Variants in ADAMTS2 observed in about 807,000 individuals in gnomAD.
ADAMTS2 encodes ADAM metallopeptidase with thrombospondin type 1 motif 2, also known as A disintegrin and metalloproteinase with thrombospondin motifs 2.
ADAMTS2 carries 50 observed loss-of-function variants against 123.0 expected under a neutral mutation model. The ratio of observed to expected loss-of-function variants is 0.41; its 90% CI spans 0.32 to 0.51. The LOEUF is 0.51. Among genes scored for constraint, ADAMTS2 ranks in the 20% least tolerant of loss-of-function variants. The probability of loss-of-function intolerance (pLI) is 0.35; values close to 1 mark genes in which losing one functional copy is unlikely to be tolerated. For synonymous variants in ADAMTS2, 678 were observed against 695.4 expected, an observed-to-expected ratio of 0.98 and a Z score of 0.39; for missense variants, 1,494 against 1,705.2, an observed-to-expected ratio of 0.88 and a Z score of 2.18.
intron 3 of ADAMTS2, among the ~76,000 whole-genome samples, chr5:179,253,658 A>G (rs928089247): frequency 3.3e-5 from 5 of 149,860 alleles, no homozygotes; most frequent in African/African-American, 1.2e-4. Flanking sequence ...AAAAAAAAAA[A>G]GGCATCCCTT....
Position 179,312,387 on chromosome 5 carries a change from GC to G in ADAMTS2, c.534+31379del, listed in dbSNP as rs1731675511. On this transcript the variant is annotated intron_variant, in intron 2 of 21. Coordinates refer to ENST00000251582, the MANE Select transcript of ADAMTS2 (RefSeq NM_014244.5). This position sits in a 1 kb window ranked among gnomAD's most constrained non-coding sequence, Gnocchi z 4.2. ...TTCCATCCACACGAATGGGATTTGT[GC>G]CCCGATCAGAGGGACCCCAGAGAGC... Among the ~76,000 whole-genome samples, 1 of 152,172 alleles carries G rather than the reference GC, an allele frequency of 6.6e-6. No individual in the cohort carries two copies. Among genetic ancestry groups the G allele is most frequent in the Non-Finnish European group, 1.5e-5 (1 of 68,034 alleles).
rs188767193 is a variant in ADAMTS2 at position 179,234,428 on chromosome 5, T to G, written c.689-26713A>C. On this transcript the variant is annotated intron_variant, in intron 3 of 21. Transcript: ENST00000251582. The surrounding 1 kb of genome is among the most constrained non-coding windows in gnomAD (Gnocchi z 4.7). ...CATCCACTAGGACTGGGCTTCCGTGTGCAGGGCTTCACCCTCGCTCTCCTC... is the reference window on the plus strand; with the variant it reads ...CATCCACTAGGACTGGGCTTCCGTGGGCAGGGCTTCACCCTCGCTCTCCTC... Among the ~76,000 whole-genome samples, 37 of 152,228 alleles carry G rather than the reference T, an allele frequency of 2.4e-4. No homozygotes were observed. In the East Asian group the frequency reaches 7.2e-3, roughly 29 times the overall value.
At position 179,210,645 on chromosome 5, in the gene ADAMTS2, T is replaced by C. The variant is rs1021411203; in HGVS notation, c.689-2930A>G. ...GCAGGTGACAGCCACGCCCTGCGTC[T>C]GGCCCCTGGAAGCCTCAGTGGTGCT... On this transcript the variant is annotated intron_variant, in intron 3 of 21. Transcript: ENST00000251582. Among the ~76,000 whole-genome samples the C allele has an allele frequency of 1.2e-4, 18 of 152,232 alleles. 1 individual carries two copies.
In ADAMTS2 at chr5:179,312,062, TGC is replaced by T. The variant is rs758687531; in HGVS notation, c.534+31703_534+31704del. On this transcript the variant is annotated intron_variant, in intron 2 of 21. Coordinates refer to ENST00000251582, the MANE Select transcript of ADAMTS2 (RefSeq NM_014244.5). The surrounding 1 kb of genome is among the most constrained non-coding windows in gnomAD (Gnocchi z 4.2). ...TCTGCCCCAGGCTAATGTTAGAAGC[TGC>T]AGAGGTGCAAATATAACAGTCAGAC... 3.3e-5 allele frequency among the ~76,000 whole-genome samples: 5 copies of T among 152,298 alleles called. No individual in the cohort carries two copies. In the South Asian group the frequency reaches 6.2e-4, roughly 19 times the overall value.
chr5:179,295,998 T>G (rs1163464222), intron 2 of ADAMTS2, among the ~76,000 whole-genome samples: 3 of 152,136 alleles, frequency 2.0e-5, no homozygotes, highest in Non-Finnish European at 4.4e-5. Context: ...CTGGCTGTGG[T>G]CCAGGAGACT....
rs1367343065 is a variant in ADAMTS2, at chr5:179,303,933, G to C, written c.535-30869C>G. On this transcript the variant is annotated intron_variant, in intron 2 of 21. Transcript: ENST00000251582. The surrounding 1 kb of genome is among the most constrained non-coding windows in gnomAD (Gnocchi z 4.7). ...GAAGATGGCAGAGACAGCAGAGCTT[G>C]GGGAACTGGCATCAGAAAGTTGGTT... Among the ~76,000 whole-genome samples, 1 of 152,172 alleles carries C rather than the reference G, an allele frequency of 6.6e-6. No individual in the cohort carries two copies. Among genetic ancestry groups the C allele is most frequent in the Non-Finnish European group, 1.5e-5 (1 of 68,030 alleles).
rs191802094 is a variant in ADAMTS2 at position 179,192,230 on chromosome 5, G to A, written c.892-11075C>T. On this transcript the variant is annotated intron_variant, in intron 4 of 21. Coordinates refer to ENST00000251582, the MANE Select transcript of ADAMTS2 (RefSeq NM_014244.5). The stretch of plus-strand genomic sequence containing the variant: ...CCTCGACCTGGGCAGGGGCCCCCAA[G>A]GCACTCAGAGCGCAGGGCAAGAGTA... Among the ~76,000 whole-genome samples, 356 of 152,348 alleles carry A rather than the reference G, an allele frequency of 2.3e-3. 1 individual carries two copies. Among genetic ancestry groups the A allele is most frequent in the Non-Finnish European group, 3.9e-3 (264 of 68,022 alleles).
intron 13 of ADAMTS2, among the ~76,000 whole-genome samples, chr5:179,133,836 A>T (rs1323341710): frequency 6.6e-6 from 1 of 150,728 alleles, no homozygotes. Flanking sequence ...CTCCTGCCTC[A>T]GCCTCCCGAG....
intron 13 of ADAMTS2, among the ~76,000 whole-genome samples, chr5:179,133,265 T>A (rs994293210): frequency 6.6e-6 from 1 of 152,094 alleles, no homozygotes; most frequent in Admixed American, 6.5e-5. Flanking sequence ...GGAGATGCTG[T>A]TTATTTTTAC....
rs1764446039 is a variant in ADAMTS2, at chr5:179,197,039, T to G, written c.891+10474A>C. 6.6e-6 allele frequency among the ~76,000 whole-genome samples: 1 copy of G among 152,268 alleles called. No homozygotes were observed. On this transcript the variant is annotated intron_variant, in intron 4 of 21. Transcript: ENST00000251582. The surrounding 1 kb of genome is among the most constrained non-coding windows in gnomAD (Gnocchi z 4.2). ...AGTAATACGTCCAAATTTACTTTAATGTAAAACTGATGTTTTAAAATGCTT... is the reference window on the plus strand; with the variant it reads ...AGTAATACGTCCAAATTTACTTTAAGGTAAAACTGATGTTTTAAAATGCTT...
chr5:179,207,479 C>CCCCCCCCCCCA, intron 4 of ADAMTS2, 34 bp downstream of exon 4: 1 of 873,216 alleles, frequency 1.1e-6, no homozygotes, highest in Non-Finnish European at 1.9e-6. Context: ...TGACCCTCCC[C>CCCCCCCCCCCA]GCCCCACCCT....
intron 21 of ADAMTS2, among the ~76,000 whole-genome samples, chr5:179,119,375 T>C (rs1581135016): frequency 6.6e-6 from 1 of 152,206 alleles, no homozygotes; most frequent in African/African-American, 2.4e-5. Context: ...CCCACTGTTC[T>C]TTCTCATGGC....
intron 9 of ADAMTS2, 56 bp from the exon 10 acceptor site, chr5:179,152,311 G>A: frequency 6.5e-7 from 1 of 1,547,362 alleles, no homozygotes. Context: ...ACCTCCCAGG[G>A]ATGCCACCCA....
rs183961971 is a variant in ADAMTS2, at chr5:179,290,331, C to T, written c.535-17267G>A. Among the ~76,000 whole-genome samples, 585 of 152,292 alleles carry T rather than the reference C, an allele frequency of 3.8e-3. 4 individuals carry two copies. Among genetic ancestry groups the T allele is most frequent in the Admixed American group, 7.1e-3 (109 of 15,304 alleles). On this transcript the variant is annotated intron_variant, in intron 2 of 21. Transcript: ENST00000251582. Reference sequence around the variant, plus strand: ...GCTTTCCCTTTGACCCTCTCCACCACGTTATGACACAGCACAAAAAGGCCT... The same window carrying T: ...GCTTTCCCTTTGACCCTCTCCACCATGTTATGACACAGCACAAAAAGGCCT...
At chr5:179,316,916 G>A (rs993195395) in intron 2 of ADAMTS2, among the ~76,000 whole-genome samples, 3 of 152,012 alleles carry the variant, frequency 2.0e-5, no homozygotes, top group East Asian at 1.9e-4. Flanking sequence ...CTTCTAGCCC[G>A]GGAGAGAGCA....
chr5:179,278,622 C>T lies in ADAMTS2; in HGVS notation c.535-5558G>A, dbSNP rs116658311. ...GGGTCTTACAGAAAGGTTGGTACCC[C>T]GACCTGGCTCTAAGTGTGAGTCCCA... On this transcript the variant is annotated intron_variant, in intron 2 of 21. Coordinates refer to ENST00000251582, the MANE Select transcript of ADAMTS2 (RefSeq NM_014244.5). Among the ~76,000 whole-genome samples, 1,214 of 152,162 alleles carry T rather than the reference C, an allele frequency of 8.0e-3. 8 individuals carry two copies. The highest frequency in any genetic ancestry group is 0.012 in the Non-Finnish European group (790 of 68,020).
chr5:179,243,587 C>G (rs1216582840), intron 3 of ADAMTS2, among the ~76,000 whole-genome samples: 1 of 152,168 alleles, frequency 6.6e-6, no homozygotes, highest in African/African-American at 2.4e-5. Context: ...GGAGGGGAAT[C>G]AGTATGCAGA....
In ADAMTS2 at chr5:179,326,006, G is replaced by A. The variant is rs1267131567; in HGVS notation, c.534+17761C>T. Among the ~76,000 whole-genome samples the A allele has an allele frequency of 3.9e-5, 6 of 152,362 alleles. No homozygotes were observed. The East Asian group carries it at 1.2e-3, about 29-fold the overall frequency. ...CTCCCAGCTGAGGGGTGCGGAGGAA[G>A]GGATCAGAGCGCTCCCCCAACAAAG... On this transcript the variant is annotated intron_variant, in intron 2 of 21. Coordinates refer to ENST00000251582, the MANE Select transcript of ADAMTS2 (RefSeq NM_014244.5).
At chr5:179,324,977 G>A (rs1263372656) in intron 2 of ADAMTS2, among the ~76,000 whole-genome samples, 2 of 152,198 alleles carry the variant, frequency 1.3e-5, no homozygotes, top group Non-Finnish European at 2.9e-5. Context: ...GGCCCAAGGA[G>A]TCTCAGCTTC....
Sources: allele counts gnomAD v4.1 joint callset (sites outside exome capture counted in the v4.1 genomes callset), GRCh38; gene constraint gnomAD v4.1.1; non-coding constraint Gnocchi (gnomAD v3.1); transcripts MANE v1.5; gene names NCBI Gene and HGNC (gene_info 2026-07-23, HGNC 2026-07-21).